FBLN7: variants seen among roughly 807,000 people sequenced by gnomAD.
FBLN7 encodes the protein fibulin 7, also known as fibulin-7.
FBLN7 carries 31 observed loss-of-function variants against 44.0 expected under a neutral mutation model. The ratio of observed to expected loss-of-function variants is 0.70; its 90% CI spans 0.53 to 0.95. The LOEUF is 0.95. FBLN7 is among the 40% of genes least tolerant of loss of function. The pLI is 0.00. For missense variants in FBLN7, 573 were observed against 618.5 expected (o/e 0.93, Z 0.78); for synonymous variants, 262 against 253.4 (o/e 1.03, Z -0.32).
chr2:112,190,987 AC>A (rs1683469135), downstream of FBLN7, among the ~76,000 whole-genome samples: 1 of 152,112 alleles, frequency 6.6e-6, no homozygotes. Context: ...AGAGGGGAGA[AC>A]TGGCATAGGG....
chr2:112,173,668 A>G (rs948057201), intron 3 of FBLN7, among the ~76,000 whole-genome samples: 1 of 152,280 alleles, frequency 6.6e-6, no homozygotes, highest in African/African-American at 2.4e-5. Flanking sequence ...TTTCACCTTC[A>G]CGAAACAGCA....
chr2:112,156,928 G>C (rs1012908447), intron 1 of FBLN7, among the ~76,000 whole-genome samples: 1 of 152,130 alleles, frequency 6.6e-6, no homozygotes. Flanking sequence ...GGTGGTGGTT[G>C]TGGTTGTGGT....
At chr2:112,164,667 G>T (rs765805702) in intron 2 of FBLN7, among the ~76,000 whole-genome samples, 1 of 152,248 alleles carries the variant, frequency 6.6e-6, no homozygotes, top group Non-Finnish European at 1.5e-5. Flanking sequence ...ACCCAGGGGG[G>T]CTGGAGCCCC....
chr2:112,177,610 G>A (rs1336280422), intron 4 of FBLN7: 1 of 152,058 alleles, frequency 6.6e-6, no homozygotes, highest in African/African-American at 2.4e-5. Flanking sequence ...CATTCACATT[G>A]TTGTGCGACC....
At chr2:112,222,426 T>C in the FBLN7 span, among the ~76,000 whole-genome samples, 1 of 152,050 alleles carries the variant, frequency 6.6e-6, no homozygotes, top group Non-Finnish European at 1.5e-5. Flanking sequence ...TGTCTGGGTG[T>C]TTCCAGGGCA....
At chr2:112,205,200 AAT>A in the FBLN7 span, among the ~76,000 whole-genome samples, 1 of 152,094 alleles carries the variant, frequency 6.6e-6, no homozygotes, top group Non-Finnish European at 1.5e-5. Context: ...TAGTAAAATA[AAT>A]ATCAAAGGAA....
chr2:112,144,649 C>G (rs532748000), intron 1 of FBLN7, among the ~76,000 whole-genome samples: 3 of 151,652 alleles, frequency 2.0e-5, no homozygotes, highest in Non-Finnish European at 4.4e-5. Context: ...CTCAGCCTTC[C>G]GTGAGTAGCT....
In FBLN7 at chr2:112,185,185, A is replaced by T; in HGVS notation, c.809-16A>T. On this transcript the variant is annotated splice_polypyrimidine_tract_variant and intron_variant, in intron 6 of 7. Transcript: ENST00000331203. ...GGTCAGGGCGATTCTCACCTGTTGT[A>T]TGTCCTGTATCTCAGATGTGGATGA... 2 of 1,608,524 alleles carry T rather than the reference A, an allele frequency of 1.2e-6. No individual in the cohort carries two copies. The highest frequency in any genetic ancestry group is 1.7e-6 in the Non-Finnish European group (2 of 1,175,460).
intron 1 of FBLN7, among the ~76,000 whole-genome samples, chr2:112,146,238 T>A (rs1680891952): frequency 1.3e-5 from 2 of 152,188 alleles, no homozygotes; most frequent in Non-Finnish European, 2.9e-5. Context: ...GAGAATTGCT[T>A]GAACCCGGGA....
the FBLN7 span, among the ~76,000 whole-genome samples, chr2:112,233,834 A>C: frequency 1.3e-5 from 2 of 152,124 alleles, no homozygotes; most frequent in Non-Finnish European, 2.9e-5. Context: ...GCGCCACTGC[A>C]CTCCAGCCCA....
intron 6 of FBLN7, among the ~76,000 whole-genome samples, chr2:112,183,610 C>A (rs572226958): frequency 6.6e-6 from 1 of 152,272 alleles, no homozygotes; most frequent in East Asian, 1.9e-4. Context: ...CATTTGCCAA[C>A]CCCAGCTAAA....
intron 1 of FBLN7, among the ~76,000 whole-genome samples, chr2:112,155,742 AC>A (rs1681378937): frequency 6.6e-6 from 1 of 152,226 alleles, no homozygotes; most frequent in Non-Finnish European, 1.5e-5. Flanking sequence ...AGGAAGTGGC[AC>A]CGGAAGCAGA....
intron 1 of FBLN7, among the ~76,000 whole-genome samples, chr2:112,153,524 C>G (rs1681268911): frequency 6.6e-6 from 1 of 152,174 alleles, no homozygotes; most frequent in African/African-American, 2.4e-5. Flanking sequence ...CCCCAGGGAC[C>G]AGTCCCCATG....
At chr2:112,240,952 A>AGTGTGTGTGTGT in the FBLN7 span, among the ~76,000 whole-genome samples, 5 of 142,604 alleles carry the variant, frequency 3.5e-5, no homozygotes, top group African/African-American at 7.9e-5. Flanking sequence ...TACAGGTAAC[A>AGTGTGTGTGTGT]GTGTGTGTGT....
chr2:112,221,304 G>A, the FBLN7 span, among the ~76,000 whole-genome samples: 1 of 152,108 alleles, frequency 6.6e-6, no homozygotes, highest in East Asian at 1.9e-4. Flanking sequence ...GATAGTGAGT[G>A]AATGCTCATA....
rs1321614142 is a variant in FBLN7, at chr2:112,187,932, GGGGCCCTAGTCATGCCTCTGCGCATGT to G, written c.*429_*455del. 1.3e-5 allele frequency: 3 copies of G among 228,020 alleles called. No homozygotes were observed. The highest frequency in any genetic ancestry group is 6.8e-5 in the African/African-American group (3 of 43,796). The allele number at this position is 228,020 out of a possible 1,614,324, so 14.1% of individuals were successfully genotyped here. A position where few individuals can be genotyped will look rare whatever the true frequency, so the allele number is the denominator to read the frequency against. On this transcript the variant is annotated 3_prime_UTR_variant, in exon 8 of 8. Transcript: ENST00000331203. This position sits in a 1 kb window ranked among gnomAD's most constrained non-coding sequence, Gnocchi z 5.1. ...GAATGAAACGGTTCTAGTCGTGCGG[GGGGCCCTAGTCATGCCTCTGCGCATGT>G]GGCATAGGAAGTGGAGTCTCCTCCC...
chr2:112,138,477 C>A lies in FBLN7; in HGVS notation c.-179C>A. Reference sequence around the variant, plus strand: ...CTGGACCCTCGCAAGGCCCGGGCGGCGCCGATCCCCGCGGGACGCGCTGCG... The same window carrying A: ...CTGGACCCTCGCAAGGCCCGGGCGGAGCCGATCCCCGCGGGACGCGCTGCG... On this transcript the variant is annotated 5_prime_UTR_variant, in exon 1 of 8. Coordinates refer to ENST00000331203, the MANE Select transcript of FBLN7 (RefSeq NM_153214.3). The A allele has an allele frequency of 4.7e-6, 3 of 631,874 alleles. No individual in the cohort carries two copies. The highest frequency in any genetic ancestry group is 4.4e-6 in the Non-Finnish European group (2 of 451,206). The allele number at this position is 631,874 out of a possible 1,614,324, so 39.1% of individuals were successfully genotyped here.
Position 112,187,705 on chromosome 2 carries a change from CTCTT to C in FBLN7, c.*201_*204del. 4.7e-6 allele frequency: 3 copies of C among 638,200 alleles called. No homozygotes were observed. The highest frequency in any genetic ancestry group is 2.3e-5 in the South Asian group (1 of 44,146). 39.5% of individuals were successfully genotyped at this position (638,200 alleles called of 1,614,324 possible). On this transcript the variant is annotated 3_prime_UTR_variant, in exon 8 of 8. Coordinates refer to ENST00000331203, the MANE Select transcript of FBLN7 (RefSeq NM_153214.3). This position sits in a 1 kb window ranked among gnomAD's most constrained non-coding sequence, Gnocchi z 5.1. ...CCACAAAACTCAACTGCTGCCATCA[CTCTT>C]TTTTTTTTTCTGCTTTGAGGCCCTT...
At chr2:112,243,427 T>C in the FBLN7 span, among the ~76,000 whole-genome samples, 2 of 152,288 alleles carry the variant, frequency 1.3e-5, no homozygotes, top group Middle Eastern at 3.4e-3. Flanking sequence ...TGAACTGATA[T>C]CAGTATTGGG....
Sources: allele counts gnomAD v4.1 joint callset (sites outside exome capture counted in the v4.1 genomes callset), GRCh38; gene constraint gnomAD v4.1.1; non-coding constraint Gnocchi (gnomAD v3.1); transcripts MANE v1.5; gene names NCBI Gene and HGNC (gene_info 2026-07-23, HGNC 2026-07-21).